The following PDE4D variants were observed in gnomAD, a reference collection of about 807,000 sequenced individuals.
The protein encoded by PDE4D is 3',5'-cyclic-AMP phosphodiesterase 4D.
PDE4D carries 24 observed loss-of-function variants against 87.4 expected under a neutral mutation model. The observed-to-expected ratio is 0.27, with a 90% CI of 0.20 to 0.39. The LOEUF is 0.39. Ranked by LOEUF, PDE4D falls within the 10% of genes least tolerant of loss-of-function variation. The pLI, the probability that PDE4D is intolerant of heterozygous loss-of-function variation, is 1.00. For synonymous variants in PDE4D, 384 were observed against 383.2 expected (o/e 1.00, Z -0.02); for missense variants, 714 against 1,041.0 (o/e 0.69, Z 4.32).
intron 1 of PDE4D, among the ~76,000 whole-genome samples, chr5:59,760,440 A>C (rs2150773424): frequency 6.6e-6 from 1 of 152,340 alleles, no homozygotes; most frequent in South Asian, 2.1e-4. Flanking sequence ...TACAAGAATT[A>C]TAAAAATTAT....
intron 3 of PDE4D, among the ~76,000 whole-genome samples, chr5:59,975,876 G>C (rs973571433): frequency 6.6e-6 from 1 of 152,152 alleles, no homozygotes; most frequent in African/African-American, 2.4e-5. Flanking sequence ...CTCAGGTTAG[G>C]TGTTAGTTCC....
intron 1 of PDE4D, among the ~76,000 whole-genome samples, chr5:60,317,327 G>A (rs1166370348): frequency 6.6e-6 from 1 of 152,058 alleles, no homozygotes; most frequent in Non-Finnish European, 1.5e-5. Flanking sequence ...TGGAATCAGT[G>A]GTGATATCCC....
intron 2 of PDE4D, among the ~76,000 whole-genome samples, chr5:60,149,713 T>C (rs867642460): frequency 6.6e-6 from 1 of 151,652 alleles, no homozygotes; most frequent in Non-Finnish European, 1.5e-5. Context: ...AGTGAAAGTT[T>C]ATGATACTCT....
In PDE4D at chr5:59,135,706, G is replaced by A. The variant is rs575379122; in HGVS notation, c.808+44889C>T. On this transcript the variant is annotated intron_variant, in intron 5 of 14. Coordinates refer to ENST00000340635, the MANE Select transcript of PDE4D (RefSeq NM_001104631.2). ...ATCTCCCATACGCCAGCACTATGCA[G>A]ATGATAGGGACATCATTTTGAACAA... 3.5e-5 allele frequency among the ~76,000 whole-genome samples: 5 copies of A among 142,258 alleles called. No individual in the cohort carries two copies. The East Asian group carries it at 5.8e-4, about 17-fold the overall frequency. The allele number at this position is 142,258 out of a possible 152,430, so 93.3% of individuals were successfully genotyped here.
chr5:60,373,137 T>A (rs1376747704), intron 1 of PDE4D, among the ~76,000 whole-genome samples: 1 of 152,234 alleles, frequency 6.6e-6, no homozygotes, highest in Non-Finnish European at 1.5e-5. Context: ...CTCAGACTGG[T>A]GGCCCACGGG....
chr5:60,450,973 A>C (rs1437044188), intron 1 of PDE4D, among the ~76,000 whole-genome samples: 1 of 152,182 alleles, frequency 6.6e-6, no homozygotes, highest in Non-Finnish European at 1.5e-5. Context: ...AATCATAAAA[A>C]TAAATGGCCC....
At chr5:59,611,589 G>C (rs148973517) in intron 1 of PDE4D, among the ~76,000 whole-genome samples, 4 of 152,078 alleles carry the variant, frequency 2.6e-5, no homozygotes, top group Non-Finnish European at 5.9e-5. Context: ...CATCTGCTGT[G>C]GTCACTGTTA....
At chr5:59,097,146 G>T (rs1469813304) in intron 5 of PDE4D, among the ~76,000 whole-genome samples, 1 of 152,166 alleles carries the variant, frequency 6.6e-6, no homozygotes. Flanking sequence ...GACAAGGATT[G>T]TGATCATTGA....
In PDE4D at chr5:60,192,180, ATT is replaced by A. The variant is rs530032971; in HGVS notation, c.-89-6495_-89-6494del. On this transcript the variant is annotated intron_variant, in intron 1 of 16. Transcript: ENST00000502484. ...GAAATTTTGCAAAATTGGAAATAAA[ATT>A]ATATCAAAATATGGGGTATATTCAA... Among the ~76,000 whole-genome samples, 504 of 152,284 alleles carry A rather than the reference ATT, an allele frequency of 3.3e-3. 4 individuals carry two copies. The highest frequency in any genetic ancestry group is 0.012 in the African/African-American group (486 of 41,562).
At chr5:60,194,426 A>C (rs1009630073) in intron 1 of PDE4D, among the ~76,000 whole-genome samples, 6 of 151,638 alleles carry the variant, frequency 4.0e-5, no homozygotes, top group African/African-American at 1.5e-4. Flanking sequence ...TTTTGTCTAC[A>C]TCTAAAATAT....
intron 1 of PDE4D, among the ~76,000 whole-genome samples, chr5:60,309,661 G>A (rs892330872): frequency 1.3e-4 from 20 of 149,382 alleles, no homozygotes; most frequent in Non-Finnish European, 2.5e-4. Context: ...AAAAGAACAG[G>A]AAAAAACGAC....
At chr5:59,011,854 A>G (rs966298407) in intron 6 of PDE4D, among the ~76,000 whole-genome samples, 2 of 152,208 alleles carry the variant, frequency 1.3e-5, no homozygotes, top group Non-Finnish European at 2.9e-5. Flanking sequence ...CATAATTGTC[A>G]GATTCACCAA....
At chr5:59,530,119 C>T (rs925927472) in intron 1 of PDE4D, among the ~76,000 whole-genome samples, 1 of 152,158 alleles carries the variant, frequency 6.6e-6, no homozygotes, top group African/African-American at 2.4e-5. Context: ...CAAGGTAAGG[C>T]GTATTTCCCA....
At chr5:59,655,767 C>A (rs909552206) in intron 1 of PDE4D, among the ~76,000 whole-genome samples, 1 of 152,054 alleles carries the variant, frequency 6.6e-6, no homozygotes, top group African/African-American at 2.4e-5. Flanking sequence ...CCTTGGACAC[C>A]CCCACCTTAG....
intron 5 of PDE4D, among the ~76,000 whole-genome samples, chr5:59,175,950 A>T (rs1192600587): frequency 6.6e-6 from 1 of 151,858 alleles, no homozygotes; most frequent in Non-Finnish European, 1.5e-5. Context: ...CCTTTTATAT[A>T]ACTTATCTCC....
intron 5 of PDE4D, among the ~76,000 whole-genome samples, chr5:59,153,713 T>C (rs1397315454): frequency 6.6e-6 from 1 of 151,860 alleles, no homozygotes; most frequent in African/African-American, 2.4e-5. Context: ...TAGTACTATG[T>C]GTGGTTATAA....
intron 1 of PDE4D, among the ~76,000 whole-genome samples, chr5:60,203,712 T>C (rs1742179943): frequency 6.6e-6 from 1 of 152,188 alleles, no homozygotes; most frequent in Non-Finnish European, 1.5e-5. Flanking sequence ...GATCATGAAA[T>C]TTTATAGTCA....
At chr5:59,575,002 T>C (rs1380751599) in intron 1 of PDE4D, among the ~76,000 whole-genome samples, 2 of 152,162 alleles carry the variant, frequency 1.3e-5, no homozygotes, top group Admixed American at 6.5e-5. Flanking sequence ...ATATAGGATA[T>C]GTATGCTAGA....
chr5:59,356,025 T>C (rs1009213861), intron 1 of PDE4D, among the ~76,000 whole-genome samples: 2 of 152,240 alleles, frequency 1.3e-5, no homozygotes, highest in African/African-American at 4.8e-5. Context: ...TTCAGTGCTA[T>C]AGATTGTAAT....
Sources: gnomAD v4.1 joint callset for allele counts (sites outside exome capture counted in the v4.1 genomes callset) on GRCh38, gnomAD v4.1.1 for gene constraint, MANE v1.5 for transcripts, NCBI Gene and HGNC (gene_info 2026-07-23, HGNC 2026-07-21) for gene names.